The following TVP23A variants were observed in gnomAD, a reference collection of about 807,000 sequenced individuals.
TVP23A encodes the protein trans-golgi network vesicle protein 23 homolog A, also known as Golgi apparatus membrane protein TVP23 homolog A.
TVP23A carries 21 observed loss-of-function variants against 31.7 expected under a neutral mutation model. That is an observed-to-expected ratio of 0.66 (90% CI 0.47 to 0.95). TVP23A has a LOEUF of 0.95. TVP23A is among the 40% of genes least tolerant of loss of function. The probability of loss-of-function intolerance (pLI) is 0.00; values close to 1 mark genes in which losing one functional copy is unlikely to be tolerated. For synonymous variants in TVP23A, 104 were observed against 96.0 expected (o/e 1.08, Z -0.49); for missense variants, 279 against 255.6 (o/e 1.09, Z -0.62).
In TVP23A at chr16:10,771,938, C is replaced by G. The variant is rs2031657105; in HGVS notation, c.454-140G>C. 16 of 1,173,370 alleles carry G rather than the reference C, an allele frequency of 1.4e-5. No individual in the cohort carries two copies. In the South Asian group the frequency reaches 2.4e-4, roughly 18 times the overall value. The allele number at this position is 1,173,370 out of a possible 1,614,324, so 72.7% of individuals were successfully genotyped here. A position where few individuals can be genotyped will look rare whatever the true frequency, so the allele number is the denominator to read the frequency against. On this transcript the variant is annotated intron_variant, in intron 5 of 7. Coordinates refer to ENST00000299866, the MANE Select transcript of TVP23A (RefSeq NM_001079512.4). ...GGTTCACACCATTCTCCTGCCTCAGCCTCCCGAGTAGCTGGGACTACAGGC... is the reference window on the plus strand; with the variant it reads ...GGTTCACACCATTCTCCTGCCTCAGGCTCCCGAGTAGCTGGGACTACAGGC...
intron 2 of TVP23A, among the ~76,000 whole-genome samples, chr16:10,775,925 T>A (rs1278405802): frequency 6.6e-6 from 1 of 151,212 alleles, no homozygotes; most frequent in Non-Finnish European, 1.5e-5. Flanking sequence ...ATTTTTGTAC[T>A]TTGAGTAGAA....
intron 2 of TVP23A, among the ~76,000 whole-genome samples, chr16:10,801,842 A>G (rs1596557044): frequency 6.6e-6 from 1 of 152,070 alleles, no homozygotes; most frequent in East Asian, 1.9e-4. Flanking sequence ...CCATAATCGC[A>G]CTCTGCTTAC....
downstream of TVP23A, among the ~76,000 whole-genome samples, chr16:10,763,331 G>A (rs2030305804): frequency 6.6e-6 from 1 of 152,086 alleles, no homozygotes; most frequent in African/African-American, 2.4e-5. Flanking sequence ...GTTGGGGGAT[G>A]GCTGCCTCGA....
At chr16:10,815,654 T>C (rs950103601) in intron 2 of TVP23A, among the ~76,000 whole-genome samples, 1 of 152,176 alleles carries the variant, frequency 6.6e-6, no homozygotes, top group African/African-American at 2.4e-5. Context: ...GTATCTGGCC[T>C]AAAATGTCTG....
At chr16:10,789,925 G>A (rs1181226758) in intron 2 of TVP23A, among the ~76,000 whole-genome samples, 2 of 152,072 alleles carry the variant, frequency 1.3e-5, no homozygotes, top group Non-Finnish European at 2.9e-5. Context: ...GGTTGGTAGG[G>A]ACCTTCTAGG....
rs1055913592 is a variant in TVP23A at position 10,815,225 on chromosome 16, A to C, written c.89+2878T>G. On this transcript the variant is annotated intron_variant, in intron 2 of 7. Coordinates refer to ENST00000299866, the MANE Select transcript of TVP23A (RefSeq NM_001079512.4). ...AGCCTGGCCAACATGGCGAAACTCC[A>C]TCTCTACTAAAACAAAACAAAACAA... is the stretch of plus-strand genomic sequence containing the variant. Among the ~76,000 whole-genome samples the C allele has an allele frequency of 8.5e-5, 13 of 152,134 alleles. No individual in the cohort carries two copies. The East Asian group carries it at 1.3e-3, about 16-fold the overall frequency.
downstream of TVP23A, among the ~76,000 whole-genome samples, chr16:10,766,437 T>C (rs145719382): frequency 1.3e-5 from 2 of 152,052 alleles, no homozygotes; most frequent in South Asian, 2.1e-4. This position sits in a 1 kb window ranked among gnomAD's most constrained non-coding sequence, Gnocchi z 4.8. Flanking sequence ...CTAGAGCATA[T>C]ATGTGTGTTG....
At position 10,768,922 on chromosome 16, in the gene TVP23A, G is replaced by T; in HGVS notation, c.*180C>A. The T allele has an allele frequency of 2.6e-6, 2 of 777,730 alleles. No individual in the cohort carries two copies. Among genetic ancestry groups the T allele is most frequent in the Admixed American group, 4.5e-5 (2 of 44,612 alleles). 48.2% of individuals were successfully genotyped at this position (777,730 alleles called of 1,614,324 possible). A position where few individuals can be genotyped will look rare whatever the true frequency, so the allele number is the denominator to read the frequency against. Reference sequence around the variant, plus strand: ...AAGACTCAGGGCATCACAGACACAGGTCTTTTTATGGAACTAGCCAGAGGA... The same window carrying T: ...AAGACTCAGGGCATCACAGACACAGTTCTTTTTATGGAACTAGCCAGAGGA... On this transcript the variant is annotated 3_prime_UTR_variant, in exon 8 of 8. Coordinates refer to ENST00000299866, the MANE Select transcript of TVP23A (RefSeq NM_001079512.4). This position sits in a 1 kb window ranked among gnomAD's most constrained non-coding sequence, Gnocchi z 4.3.
In TVP23A at chr16:10,767,694, G is replaced by A; in HGVS notation, c.*1408C>T. 1.9e-6 allele frequency: 1 copy of A among 532,574 alleles called. No individual in the cohort carries two copies. Among genetic ancestry groups the A allele is most frequent in the Admixed American group, 3.4e-5 (1 of 29,770 alleles). The allele number at this position is 532,574 out of a possible 1,614,324, so 33.0% of individuals were successfully genotyped here. A position where few individuals can be genotyped will look rare whatever the true frequency, so the allele number is the denominator to read the frequency against. The stretch of plus-strand genomic sequence containing the variant: ...GGCCCATGTGGAAGCTGCTGAATCA[G>A]TTCTCTGTAGGGCCCTGGAACCTGC... On this transcript the variant is annotated 3_prime_UTR_variant, in exon 8 of 8. Transcript: ENST00000299866. The surrounding 1 kb of genome is among the most constrained non-coding windows in gnomAD (Gnocchi z 4.6).
At chr16:10,805,346 CTAATTT>C (rs2033894576) in intron 2 of TVP23A, among the ~76,000 whole-genome samples, 3 of 151,940 alleles carry the variant, frequency 2.0e-5, no homozygotes. Flanking sequence ...GTGATCTTTT[CTAATTT>C]TAAATTTTAA....
At chr16:10,761,418 C>G in exon 9 of TVP23A, 1 of 1,614,178 alleles carries the variant, frequency 6.2e-7, no homozygotes, top group Non-Finnish European at 8.5e-7. Flanking sequence ...CAAGGTGAAG[C>G]TGCCCATCAT....
chr16:10,811,270 T>C (rs1327164537), intron 2 of TVP23A, among the ~76,000 whole-genome samples: 2 of 152,132 alleles, frequency 1.3e-5, no homozygotes, highest in Non-Finnish European at 2.9e-5. Context: ...TATTTCTTTT[T>C]ATTTATTTTG....
intron 2 of TVP23A, among the ~76,000 whole-genome samples, chr16:10,811,076 G>C (rs2034175092): frequency 6.6e-6 from 1 of 152,168 alleles, no homozygotes; most frequent in South Asian, 2.1e-4. Context: ...TAGACTAGTG[G>C]TTCCCAGGGG....
At chr16:10,761,759 A>G (rs1299830682), downstream of TVP23A, 3 of 1,612,114 alleles carry the variant, frequency 1.9e-6, no homozygotes, top group East Asian at 4.5e-5. Context: ...CCTTGCAGAA[A>G]GAATCTCAGA....
Position 10,766,863 on chromosome 16 carries a change from G to T in TVP23A, c.*2239C>A, listed in dbSNP as rs775337189. ...AGTTACAAAGTCATTTACGGCATAC[G>T]TCCTATGGAGAGGACATTTCCTGTT... On this transcript the variant is annotated 3_prime_UTR_variant, in exon 8 of 8. Transcript: ENST00000299866. This position sits in a 1 kb window ranked among gnomAD's most constrained non-coding sequence, Gnocchi z 4.8. 4 of 398,270 alleles carry T rather than the reference G, an allele frequency of 1.0e-5. No homozygotes were observed. The highest frequency in any genetic ancestry group is 1.8e-5 in the Non-Finnish European group (4 of 226,072). The allele number at this position is 398,270 out of a possible 1,614,324, so 24.7% of individuals were successfully genotyped here. A position where few individuals can be genotyped will look rare whatever the true frequency, so the allele number is the denominator to read the frequency against.
intron 6 of TVP23A, among the ~76,000 whole-genome samples, chr16:10,771,255 T>C (rs2031594223): frequency 6.6e-6 from 1 of 152,028 alleles, no homozygotes; most frequent in African/African-American, 2.4e-5. Flanking sequence ...AAAACAAAAC[T>C]GCCAGGCACA....
chr16:10,763,354 G>C (rs959374313), downstream of TVP23A, among the ~76,000 whole-genome samples: 1 of 152,078 alleles, frequency 6.6e-6, no homozygotes, highest in Non-Finnish European at 1.5e-5. Flanking sequence ...AAGTGGTAGG[G>C]GGGTAGGGTG....
intron 2 of TVP23A, among the ~76,000 whole-genome samples, chr16:10,815,273 G>A (rs933059599): frequency 2.0e-5 from 3 of 152,142 alleles, no homozygotes; most frequent in Admixed American, 6.6e-5. Context: ...TCAGCCAAGC[G>A]TGGTGGCGTG....
At chr16:10,775,341 A>G (rs1004959777) in intron 2 of TVP23A, 2 of 1,316,728 alleles carry the variant, frequency 1.5e-6, no homozygotes, top group Non-Finnish European at 1.9e-6. Flanking sequence ...CTTTCCCGCC[A>G]CTTGACTCCA....
Sources: gnomAD v4.1 joint callset for allele counts (sites outside exome capture counted in the v4.1 genomes callset) on GRCh38, gnomAD v4.1.1 for gene constraint, Gnocchi (gnomAD v3.1) non-coding constraint, MANE v1.5 for transcripts, NCBI Gene and HGNC (gene_info 2026-07-23, HGNC 2026-07-21) for gene names.